Variants in LY75 observed in about 807,000 individuals in gnomAD.
LY75 encodes the protein lymphocyte antigen 75.
A neutral mutation model predicts 231.7 loss-of-function variants in LY75; 185 were observed. That is an observed-to-expected ratio of 0.80 (90% CI 0.71 to 0.90). The LOEUF (loss-of-function observed/expected upper bound fraction) is 0.90, where lower values mean the gene tolerates loss of function less well. LY75 is among the 40% of genes least tolerant of loss of function. The probability of loss-of-function intolerance (pLI) is 0.00; values close to 1 mark genes in which losing one functional copy is unlikely to be tolerated. For synonymous variants in LY75, 668 were observed against 689.0 expected, an observed-to-expected ratio of 0.97 and a Z score of 0.48; for missense variants, 1,947 against 2,050.2, an observed-to-expected ratio of 0.95 and a Z score of 0.97.
intron 15 of LY75, among the ~76,000 whole-genome samples, chr2:159,859,852 G>A (rs1373418100): frequency 6.6e-6 from 1 of 152,166 alleles, no homozygotes; most frequent in Admixed American, 6.5e-5. Context: ...GGCTCATAAA[G>A]GAGTTAATCA....
intron 15 of LY75, 43 bp downstream of exon 15, chr2:159,860,778 G>T: frequency 6.2e-7 from 1 of 1,605,556 alleles, no homozygotes; most frequent in South Asian, 1.1e-5. Context: ...TATGATGATG[G>T]ACTTATGTTT....
At chr2:159,884,763 C>G (rs1685535808) in intron 6 of LY75, among the ~76,000 whole-genome samples, 2 of 152,092 alleles carry the variant, frequency 1.3e-5, no homozygotes, top group Admixed American at 6.6e-5. Context: ...TCTGATGTAG[C>G]AAATCTGGGG....
Position 159,816,855 on chromosome 2 carries a change from A to G in LY75, c.4331T>C (p.Ile1444Thr). Residue 1444 changes from isoleucine to threonine, a missense_variant, in exon 30 of 35, where the codon ATT (isoleucine) becomes ACT (threonine). By Grantham distance (89) the Ile-to-Thr change is moderately conservative. Transcript: ENST00000263636. Reference sequence around the variant, plus strand: ...TAGTGGAAATCCATCACGTTTTACAATATCTTCCAGAAAGAGCTGGCCATT... The same window carrying G: ...TAGTGGAAATCCATCACGTTTTACAGTATCTTCCAGAAAGAGCTGGCCATT... The part of the protein sequence containing the change: ...NQNGQLFLED[I>T]VKRDGFPLWV... The G allele has an allele frequency of 6.2e-7, 1 of 1,614,208 alleles. No homozygotes were observed. Among genetic ancestry groups the G allele is most frequent in the Non-Finnish European group, 8.5e-7 (1 of 1,180,028 alleles).
Position 159,882,279 on chromosome 2 carries a change from C to T in LY75, c.1091G>A (p.Gly364Asp). 6.2e-7 allele frequency: 1 copy of T among 1,613,926 alleles called. No homozygotes were observed. The highest frequency in any genetic ancestry group is 8.5e-7 in the Non-Finnish European group (1 of 1,179,874). ...GCAAAATCCATTATTTGGCAGCCAG[C>T]CTGCATCACAGCGGGTATCTGAGTA... Reference protein sequence around the residue: ...WTYSDTRCDAGWLPNNGFCYL... With the variant: ...WTYSDTRCDADWLPNNGFCYL... The change falls in exon 7 of 35, where the codon GGC becomes GAC. Residue 364 changes from glycine to aspartate, a missense_variant. Gly to Asp is a moderately conservative substitution (Grantham distance 94, BLOSUM62 -1). Transcript: ENST00000263636.
intron 14 of LY75, among the ~76,000 whole-genome samples, chr2:159,864,196 C>T (rs1188197354): frequency 6.6e-6 from 1 of 152,162 alleles, no homozygotes; most frequent in Non-Finnish European, 1.5e-5. Context: ...GTTGTCTCTT[C>T]ACTCTGTTGA....
At chr2:159,889,253 A>T (rs1685680518) in intron 4 of LY75, among the ~76,000 whole-genome samples, 1 of 152,134 alleles carries the variant, frequency 6.6e-6, no homozygotes, top group Non-Finnish European at 1.5e-5. Context: ...TTTTAAGACA[A>T]GGTCTTCCTC....
intron 1 of LY75, among the ~76,000 whole-genome samples, chr2:159,900,954 C>T (rs7599157): frequency 0.38 from 57,552 of 151,784 alleles, 11,829 homozygotes; most frequent in South Asian, 0.67. Flanking sequence ...TTCTCATGCC[C>T]CAGCCTCCCA....
At chr2:159,875,161 G>A (rs905208216) in intron 12 of LY75, among the ~76,000 whole-genome samples, 12 of 151,602 alleles carry the variant, frequency 7.9e-5, no homozygotes, top group Admixed American at 6.6e-4. Flanking sequence ...TAGGCATAGT[G>A]GCAGTATGGC....
intron 33 of LY75, chr2:159,807,793 A>G: frequency 2.1e-6 from 2 of 946,126 alleles, no homozygotes; most frequent in Non-Finnish European, 1.3e-6. Context: ...ATCTTCTGTC[A>G]TATTTGTACT....
chr2:159,812,003 ATAGT>A (rs1157318829), intron 31 of LY75, among the ~76,000 whole-genome samples: 1 of 152,168 alleles, frequency 6.6e-6, no homozygotes, highest in Non-Finnish European at 1.5e-5. Flanking sequence ...CCTTATGAAA[ATAGT>A]TGGTTGGGCA....
intron 30 of LY75, 95 bp from the exon 31 acceptor site, chr2:159,815,668 G>T: frequency 7.2e-7 from 1 of 1,383,474 alleles, no homozygotes; most frequent in Non-Finnish European, 9.8e-7. Flanking sequence ...ATATTATAAT[G>T]GAATATTAAT....
Position 159,879,349 on chromosome 2 carries a change from T to C in LY75, c.1425A>G (p.Gln475=). ...CATATTTTAGTTTCTCCTCACATGA[T>C]TGGACTTTCCACTGACCTAGCTTTG... is the stretch of plus-strand genomic sequence containing the variant. The part of the protein sequence containing the change: ...YLGELGQWKV[Q]SCEEKLKYVC... Residue 475 remains glutamine (Q), a synonymous_variant, in exon 9 of 35, where the codon CAA becomes CAG. Coordinates refer to ENST00000263636, the MANE Select transcript of LY75 (RefSeq NM_002349.4). The C allele has an allele frequency of 1.9e-6, 3 of 1,613,546 alleles. No individual in the cohort carries two copies. Among genetic ancestry groups the C allele is most frequent in the Non-Finnish European group, 1.7e-6 (2 of 1,179,836 alleles).
chr2:159,815,957 T>G (rs2125831011), intron 30 of LY75, among the ~76,000 whole-genome samples: 1 of 152,336 alleles, frequency 6.6e-6, no homozygotes, highest in Non-Finnish European at 1.5e-5. Context: ...TTTATAGTTT[T>G]GTGTTTTGTG....
In LY75 at chr2:159,879,457, A is replaced by G. The variant is rs2125874583; in HGVS notation, c.1405-88T>C. On this transcript the variant is annotated intron_variant, in intron 8 of 34. Transcript: ENST00000263636. ...AACTCACAAAAACTATGACAGAGAC[A>G]GAGAGAGAGAAATGAATATAAGTGA... 9 of 1,514,342 alleles carry G rather than the reference A, an allele frequency of 5.9e-6. No homozygotes were observed. In the Admixed American group the frequency reaches 8.2e-5, roughly 14 times the overall value. The allele number at this position is 1,514,342 out of a possible 1,614,324, so 93.8% of individuals were successfully genotyped here. A position where few individuals can be genotyped will look rare whatever the true frequency, so the allele number is the denominator to read the frequency against.
intron 2 of LY75, among the ~76,000 whole-genome samples, chr2:159,894,439 G>A (rs1231184724): frequency 6.6e-6 from 1 of 152,210 alleles, no homozygotes; most frequent in South Asian, 2.1e-4. Context: ...GTGGGCCGCA[G>A]AGCACTTCAC....
chr2:159,879,152 G>A, intron 9 of LY75, 107 bp downstream of exon 9: 1 of 1,243,568 alleles, frequency 8.0e-7, no homozygotes, highest in Non-Finnish European at 1.1e-6. Flanking sequence ...ACAGAAGCTA[G>A]TAGTTTCCTC....
Position 159,904,644 on chromosome 2 carries a change from C to T in LY75, c.39G>A (p.Gly13=). ...TGWATPRRPA[G]LLMLLFWFFD... The stretch of plus-strand genomic sequence containing the variant: ...AGAACCAGAAGAGCAGCATGAGGAG[C>T]CCCGCCGGGCGGCGAGGGGTCGCCC... The change falls in exon 1 of 35, where the codon GGG becomes GGA. Residue 13 remains glycine (G), a synonymous_variant. Coordinates refer to ENST00000263636, the MANE Select transcript of LY75 (RefSeq NM_002349.4). 1.3e-6 allele frequency: 2 copies of T among 1,494,966 alleles called. No individual in the cohort carries two copies. Among genetic ancestry groups the T allele is most frequent in the Non-Finnish European group, 8.9e-7 (1 of 1,124,970 alleles). The allele number at this position is 1,494,966 out of a possible 1,614,324, so 92.6% of individuals were successfully genotyped here. A position where few individuals can be genotyped will look rare whatever the true frequency, so the allele number is the denominator to read the frequency against.
chr2:159,824,015 T>G (rs7607965), intron 28 of LY75, among the ~76,000 whole-genome samples: 4,631 of 152,120 alleles, frequency 0.03, 214 homozygotes, highest in African/African-American at 0.1. Flanking sequence ...TAAAGAACAT[T>G]CACACTATGA....
chr2:159,845,767 A>G (rs1431175754), intron 23 of LY75, among the ~76,000 whole-genome samples: 1 of 151,126 alleles, frequency 6.6e-6, no homozygotes, highest in Admixed American at 6.6e-5. Context: ...ATGGATATGA[A>G]GGGCTGACTG....
Sources: gnomAD v4.1 joint callset for allele counts (sites outside exome capture counted in the v4.1 genomes callset) on GRCh38, gnomAD v4.1.1 for gene constraint, MANE v1.5 for transcripts, NCBI Gene and HGNC (gene_info 2026-07-23, HGNC 2026-07-21) for gene names.